The following SLC24A4 variants were observed in gnomAD, a reference collection of about 807,000 sequenced individuals.
The protein encoded by SLC24A4 is solute carrier family 24 member 4.
In SLC24A4, 53 loss-of-function variants were observed where a neutral mutation model predicts 79.0. That is an observed-to-expected ratio of 0.67 (90% confidence interval 0.54 to 0.84). The LOEUF (loss-of-function observed/expected upper bound fraction) is 0.84, where lower values mean the gene tolerates loss of function less well. Among genes scored for constraint, SLC24A4 ranks in the 40% least tolerant of loss-of-function variants. The pLI is 0.00. For missense variants in SLC24A4, 731 were observed against 822.0 expected, an observed-to-expected ratio of 0.89 and a Z score of 1.35; for synonymous variants, 323 against 323.8, an observed-to-expected ratio of 1.00 and a Z score of 0.03.
chr14:92,449,280 G>T, intron 10 of SLC24A4, 64 bp downstream of exon 10: 2 of 1,250,010 alleles, frequency 1.6e-6, no homozygotes, highest in East Asian at 2.6e-5. Context: ...CCTCTTTTGT[G>T]TACACACACA....
In SLC24A4 at chr14:92,355,878, G is replaced by A. The variant is rs754483800; in HGVS notation, c.241+29900G>A. 7.9e-5 allele frequency among the ~76,000 whole-genome samples: 12 copies of A among 152,176 alleles called. No homozygotes were observed. The South Asian group carries it at 1.7e-3, about 21-fold the overall frequency. ...CTCTCCCTTGTTGCTTTCTGACATC[G>A]TGTGTTGATTTGTTTGTGGGTGTGT... On this transcript the variant is annotated intron_variant, in intron 2 of 16. Transcript: ENST00000532405.
intron 2 of SLC24A4, among the ~76,000 whole-genome samples, chr14:92,433,709 A>G (rs1892002194): frequency 6.6e-6 from 1 of 152,190 alleles, no homozygotes; most frequent in Non-Finnish European, 1.5e-5. Flanking sequence ...AGGGGCTGGA[A>G]TATCTTTGCA....
At chr14:92,474,830 T>TGTGTGTGTGTGG (rs1566795532) in intron 12 of SLC24A4, among the ~76,000 whole-genome samples, 1 of 32,214 alleles carries the variant, frequency 3.1e-5, no homozygotes, top group Non-Finnish European at 7.0e-5. Context: ...TACATATATA[T>TGTGTGTGTGTGG]GTGTGTGTGT....
chr14:92,372,023 G>A (rs1264879319), intron 2 of SLC24A4, among the ~76,000 whole-genome samples: 4 of 152,194 alleles, frequency 2.6e-5, no homozygotes. Flanking sequence ...CCTCCCCTTG[G>A]GGGACTCCTG....
At position 92,493,810 on chromosome 14, in the gene SLC24A4, C is replaced by T. The variant is rs1478088934; in HGVS notation, c.*182C>T. The stretch of plus-strand genomic sequence containing the variant: ...CACAGGCCAGGCTGCTGGGCATCCT[C>T]CTCCTCCTTGGAGTTCCGCCCCTGC... On this transcript the variant is annotated 3_prime_UTR_variant, in exon 17 of 17. Transcript: ENST00000532405. 1.6e-5 allele frequency: 11 copies of T among 707,452 alleles called. 1 individual carries two copies. The highest frequency in any genetic ancestry group is 1.4e-4 in the South Asian group (7 of 51,348). The allele number at this position is 707,452 out of a possible 1,614,324, so 43.8% of individuals were successfully genotyped here.
chr14:92,427,024 A>G (rs1483945756), intron 2 of SLC24A4, among the ~76,000 whole-genome samples: 1 of 152,242 alleles, frequency 6.6e-6, no homozygotes, highest in Admixed American at 6.5e-5. Context: ...CACAGTTTAC[A>G]TTCCCCAAAG....
At chr14:92,481,010 G>A (rs1595354889) in intron 12 of SLC24A4, among the ~76,000 whole-genome samples, 1 of 152,186 alleles carries the variant, frequency 6.6e-6, no homozygotes, top group Non-Finnish European at 1.5e-5. Flanking sequence ...AAATTCCCTA[G>A]GTTCCTGGAT....
At position 92,447,398 on chromosome 14, in the gene SLC24A4, G is replaced by C; in HGVS notation, c.711G>C (p.Leu237Phe). 2 of 1,614,118 alleles carry C rather than the reference G, an allele frequency of 1.2e-6. No homozygotes were observed. The highest frequency in any genetic ancestry group is 3.3e-5 in the Admixed American group (2 of 60,034). The change falls in exon 9 of 17, where the codon TTG becomes TTC. Residue 237 changes from leucine (L) to phenylalanine (F), a missense_variant. Leu to Phe is a conservative substitution (Grantham distance 22). Transcript: ENST00000532405. ...GGGAAGGCCTGGTGCTCATCATCTT[G>C]TATGTGTTTTATATTCTGATCATGA... ...VWWEGLVLII[L>F]YVFYILIMKY...
intron 1 of SLC24A4, among the ~76,000 whole-genome samples, chr14:92,325,155 A>G (rs1885054211): frequency 6.6e-6 from 1 of 152,252 alleles, no homozygotes. Flanking sequence ...TAGAAGAGGT[A>G]TTATTACCCA....
intron 7 of SLC24A4, among the ~76,000 whole-genome samples, chr14:92,443,820 C>G (rs80203124): frequency 2.0e-5 from 3 of 152,154 alleles, no homozygotes; most frequent in African/African-American, 7.2e-5. Flanking sequence ...GTAGAATCAT[C>G]GCAGAGCTTG....
intron 8 of SLC24A4, among the ~76,000 whole-genome samples, 189 bp downstream of exon 8, chr14:92,445,531 T>G (rs1892753491): frequency 6.6e-6 from 1 of 152,236 alleles, no homozygotes; most frequent in South Asian, 2.1e-4. Flanking sequence ...GAAAAATTGT[T>G]TCCCTTAATA....
At chr14:92,449,941 T>C (rs1251300471) in intron 10 of SLC24A4, among the ~76,000 whole-genome samples, 1 of 152,238 alleles carries the variant, frequency 6.6e-6, no homozygotes, top group Non-Finnish European at 1.5e-5. Context: ...CTTGGAAACC[T>C]GAATAATCCA....
intron 2 of SLC24A4, among the ~76,000 whole-genome samples, chr14:92,356,014 A>G (rs1250663353): frequency 6.6e-6 from 1 of 152,216 alleles, no homozygotes; most frequent in East Asian, 1.9e-4. Context: ...ATTTGCATTC[A>G]GTAGAAACCA....
chr14:92,335,718 C>T (rs754047207), intron 2 of SLC24A4, among the ~76,000 whole-genome samples: 29 of 152,116 alleles, frequency 1.9e-4, no homozygotes, highest in Admixed American at 1.9e-3. Context: ...ATTATGGTAT[C>T]GTACAGAATA....
In SLC24A4 at chr14:92,483,276, C is replaced by G. The variant is rs535558170; in HGVS notation, c.1422+430C>G. Among the ~76,000 whole-genome samples the G allele has an allele frequency of 4.6e-5, 7 of 152,174 alleles. No individual in the cohort carries two copies. The East Asian group carries it at 9.6e-4, about 21-fold the overall frequency. Reference sequence around the variant, plus strand: ...CTCCTGCCCAGGAATGCTCCTCCCCCCACTGATGTGCTGGTGCTGGTTTAA... The same window carrying G: ...CTCCTGCCCAGGAATGCTCCTCCCCGCACTGATGTGCTGGTGCTGGTTTAA... On this transcript the variant is annotated intron_variant, in intron 13 of 16. Coordinates refer to ENST00000532405, the MANE Select transcript of SLC24A4 (RefSeq NM_153646.4).
intron 14 of SLC24A4, among the ~76,000 whole-genome samples, chr14:92,488,717 A>C (rs1895512174): frequency 1.3e-5 from 2 of 152,168 alleles, no homozygotes; most frequent in African/African-American, 4.8e-5. Context: ...GCTGGTGAGC[A>C]CCGGGGCCCT....
At chr14:92,380,795 C>A (rs1041139946) in intron 2 of SLC24A4, among the ~76,000 whole-genome samples, 1 of 152,200 alleles carries the variant, frequency 6.6e-6, no homozygotes, top group African/African-American at 2.4e-5. Flanking sequence ...GCTCAGGGGG[C>A]AGGGCAGAGG....
rs7493127 is a variant in SLC24A4, at chr14:92,488,413, A to T, written c.1537+1633A>T. Among the ~76,000 whole-genome samples the T allele has an allele frequency of 2.6e-5, 4 of 151,612 alleles. No homozygotes were observed. The East Asian group carries it at 7.8e-4, about 29-fold the overall frequency. On this transcript the variant is annotated intron_variant, in intron 14 of 16. Coordinates refer to ENST00000532405, the MANE Select transcript of SLC24A4 (RefSeq NM_153646.4). ...TAAGGAGACCAGTCATCAGATTAGA[A>T]CTCACTCTAATTTAGTATGACCTTA... is the stretch of plus-strand genomic sequence containing the variant.
chr14:92,362,448 C>T (rs1257421332), intron 2 of SLC24A4, among the ~76,000 whole-genome samples: 2 of 152,116 alleles, frequency 1.3e-5, no homozygotes, highest in Non-Finnish European at 2.9e-5. Context: ...CTCCAGTGGG[C>T]TGGGAGCTGG....
Sources: gnomAD v4.1 joint callset for allele counts (sites outside exome capture counted in the v4.1 genomes callset) on GRCh38, gnomAD v4.1.1 for gene constraint, MANE v1.5 for transcripts, NCBI Gene and HGNC (gene_info 2026-07-23, HGNC 2026-07-21) for gene names.